The following PTER variants were observed in gnomAD, a reference collection of about 807,000 sequenced individuals.
PTER encodes the protein phosphotriesterase related, also known as N-acetyltaurine hydrolase.
A neutral mutation model predicts 29.6 loss-of-function variants in PTER; 38 were observed. The observed-to-expected ratio is 1.28, with a 90% CI of 0.99 to 1.68. The LOEUF is 1.68. PTER is among the 40% of genes most tolerant of loss of function. The pLI is 0.00. For missense variants in PTER, 482 were observed against 427.8 expected (o/e 1.13, Z -1.12); for synonymous variants, 172 against 154.5 (o/e 1.11, Z -0.84).
intron 1 of PTER, among the ~76,000 whole-genome samples, chr10:16,478,384 A>T (rs1472011001): frequency 7.0e-6 from 1 of 142,956 alleles, no homozygotes; most frequent in East Asian, 2.1e-4. Context: ...CCCAGGCTGG[A>T]GTGCAATGGC....
intron 1 of PTER, among the ~76,000 whole-genome samples, chr10:16,470,541 G>A (rs1246391927): frequency 6.6e-6 from 1 of 152,222 alleles, no homozygotes; most frequent in Non-Finnish European, 1.5e-5. Context: ...ATCGAGGCAG[G>A]CAGATCACTT....
intron 3 of PTER, among the ~76,000 whole-genome samples, chr10:16,490,032 G>T (rs1835841459): frequency 6.6e-6 from 1 of 152,126 alleles, no homozygotes; most frequent in African/African-American, 2.4e-5. Flanking sequence ...TAAACCCATT[G>T]TAAGTCAAAA....
intron 1 of PTER, among the ~76,000 whole-genome samples, chr10:16,468,845 T>G (rs1194198854): frequency 6.6e-6 from 1 of 151,968 alleles, no homozygotes; most frequent in East Asian, 1.9e-4. Flanking sequence ...TGTGGCAACG[T>G]GCACTTGTAG....
intron 1 of PTER, among the ~76,000 whole-genome samples, chr10:16,464,030 G>C (rs1230744478): frequency 6.6e-6 from 1 of 152,128 alleles, no homozygotes; most frequent in Non-Finnish European, 1.5e-5. Flanking sequence ...TTGATCCCTT[G>C]CCTACTTCAC....
intron 1 of PTER, among the ~76,000 whole-genome samples, chr10:16,456,880 T>G (rs1834421935): frequency 1.4e-5 from 2 of 147,088 alleles, no homozygotes; most frequent in South Asian, 2.2e-4. Flanking sequence ...GGTTCCGCCA[T>G]GCTGTTCTCG....
intron 3 of PTER, among the ~76,000 whole-genome samples, chr10:16,496,829 T>C (rs997655584): frequency 2.0e-5 from 3 of 152,168 alleles, no homozygotes; most frequent in Non-Finnish European, 4.4e-5. Context: ...GATGGATAGA[T>C]GGATGGATGA....
chr10:16,474,858 G>C (rs1345812786), intron 1 of PTER, among the ~76,000 whole-genome samples: 2 of 152,158 alleles, frequency 1.3e-5, no homozygotes, highest in African/African-American at 2.4e-5. Flanking sequence ...CTGCACTCCA[G>C]CCTGGGTGAC....
chr10:16,486,715 C>T (rs991243527), intron 3 of PTER, 98 bp downstream of exon 3: 12 of 1,336,196 alleles, frequency 9.0e-6, no homozygotes, highest in African/African-American at 2.9e-5. Flanking sequence ...ATACTAATCA[C>T]GCAGAGAAAA....
chr10:16,514,536 C>T (rs746816359), downstream of PTER: 2 of 1,613,008 alleles, frequency 1.2e-6, no homozygotes, highest in Non-Finnish European at 1.7e-6. Flanking sequence ...TATCAGTCAG[C>T]ATAAATAATA....
chr10:16,457,110 G>A (rs904702048), intron 1 of PTER, among the ~76,000 whole-genome samples: 8 of 152,172 alleles, frequency 5.3e-5, no homozygotes, highest in African/African-American at 1.4e-4. Context: ...GAGTGAATTA[G>A]TGAATACAAA....
At chr10:16,484,230 C>T in intron 1 of PTER, 107 bp from the exon 2 acceptor site, 1 of 671,096 alleles carries the variant, frequency 1.5e-6, no homozygotes, top group Non-Finnish European at 2.4e-6. Context: ...ATTGATTTGC[C>T]TTCTTACATG....
At chr10:16,440,268 A>T (rs1039422764) in intron 1 of PTER, among the ~76,000 whole-genome samples, 2 of 151,590 alleles carry the variant, frequency 1.3e-5, no homozygotes, top group Non-Finnish European at 2.9e-5. Context: ...GGGTTTCATC[A>T]TGTTGATCAG....
At chr10:16,453,226 T>C (rs966942566) in intron 1 of PTER, among the ~76,000 whole-genome samples, 21 of 152,022 alleles carry the variant, frequency 1.4e-4, no homozygotes, top group Non-Finnish European at 2.8e-4. Context: ...AGGTTATTGA[T>C]TTTTTTTAAC....
At chr10:16,441,407 A>C (rs752400976) in intron 1 of PTER, among the ~76,000 whole-genome samples, 1 of 152,206 alleles carries the variant, frequency 6.6e-6, no homozygotes, top group African/African-American at 2.4e-5. Flanking sequence ...AGCTTCAAAG[A>C]GTATTTTAAA....
downstream of PTER, chr10:16,514,137 A>T (rs1836910612): frequency 2.5e-6 from 1 of 397,848 alleles, no homozygotes; most frequent in Non-Finnish European, 4.4e-6. Context: ...CATAATAAGC[A>T]GGTAAACTCA....
At chr10:16,493,304 C>T (rs568941347) in intron 3 of PTER, among the ~76,000 whole-genome samples, 4 of 152,124 alleles carry the variant, frequency 2.6e-5, no homozygotes, top group Non-Finnish European at 4.4e-5. Flanking sequence ...AGCAAAACAT[C>T]GTGATATCGT....
At chr10:16,469,087 A>C (rs544956637) in intron 1 of PTER, among the ~76,000 whole-genome samples, 2 of 152,316 alleles carry the variant, frequency 1.3e-5, no homozygotes, top group South Asian at 4.1e-4. Context: ...TTGAGCAACA[A>C]GGAGGAACCA....
chr10:16,457,785 T>C (rs1178898131), intron 1 of PTER, among the ~76,000 whole-genome samples: 1 of 151,924 alleles, frequency 6.6e-6, no homozygotes, highest in East Asian at 2.0e-4. Context: ...AATTTTTGTA[T>C]TTTTAGTAGA....
chr10:16,511,010 G>A (rs1211398667), intron 4 of PTER, 36 bp from the exon 5 acceptor site: 2 of 1,568,124 alleles, frequency 1.3e-6, no homozygotes, highest in East Asian at 4.7e-5. Context: ...GAAAATGAAA[G>A]ACAAATGACA....
Sources: allele counts gnomAD v4.1 joint callset (sites outside exome capture counted in the v4.1 genomes callset), GRCh38; gene constraint gnomAD v4.1.1; transcripts MANE v1.5; gene names NCBI Gene and HGNC (gene_info 2026-07-23, HGNC 2026-07-21).